The following NXPE2 variants were observed in gnomAD, a reference collection of about 807,000 sequenced individuals.
NXPE2 encodes neurexophilin and PC-esterase domain family member 2.
In NXPE2, 34 loss-of-function variants were observed where a neutral mutation model predicts 34.4. The ratio of observed to expected loss-of-function variants is 0.99; its 90% CI spans 0.75 to 1.31. NXPE2 has a LOEUF of 1.31. NXPE2 is among the 40% of genes most tolerant of loss of function. NXPE2 has a pLI of 0.00. For synonymous variants in NXPE2, 235 were observed against 231.3 expected, an observed-to-expected ratio of 1.02 and a Z score of -0.15; for missense variants, 649 against 672.5, an observed-to-expected ratio of 0.97 and a Z score of 0.39.
chr11:114,522,721 T>G, the NXPE2 span, among the ~76,000 whole-genome samples: 10 of 152,236 alleles, frequency 6.6e-5, no homozygotes, highest in African/African-American at 2.4e-4. Context: ...ACATTTCTTA[T>G]GAAAGAAGGA....
chr11:114,733,427 T>G, the NXPE2 span, among the ~76,000 whole-genome samples: 16,063 of 152,240 alleles, frequency 0.11, 955 homozygotes, highest in Middle Eastern at 0.16. Context: ...GCATTCATTT[T>G]TATGTAAGAC....
the NXPE2 span, among the ~76,000 whole-genome samples, chr11:114,758,365 T>A: frequency 6.6e-6 from 1 of 152,238 alleles, no homozygotes; most frequent in Non-Finnish European, 1.5e-5. Context: ...CAGCTTCTCT[T>A]CAAATGTTCA....
At chr11:114,590,795 T>C in the NXPE2 span, among the ~76,000 whole-genome samples, 1 of 152,208 alleles carries the variant, frequency 6.6e-6, no homozygotes. Flanking sequence ...CTGGAGGTCA[T>C]CAAATTAACC....
the NXPE2 span, among the ~76,000 whole-genome samples, chr11:114,646,803 G>T: frequency 6.6e-6 from 1 of 151,928 alleles, no homozygotes; most frequent in Non-Finnish European, 1.5e-5. Flanking sequence ...TACACTTTAG[G>T]CTTAAGACTA....
the NXPE2 span, among the ~76,000 whole-genome samples, chr11:114,577,004 TAAAGTTATATATATATATATATAC>T: frequency 3.2e-5 from 1 of 30,800 alleles, no homozygotes; most frequent in East Asian, 1.1e-3. Context: ...TATATATATA[TAAAGTTATATATATATATATATAC>T]ATATATATAT....
chr11:114,526,354 T>TA, the NXPE2 span, among the ~76,000 whole-genome samples: 1 of 152,232 alleles, frequency 6.6e-6, no homozygotes, highest in Admixed American at 6.5e-5. Flanking sequence ...CTGACATTCT[T>TA]TTAAATATAA....
At chr11:114,632,726 A>T in the NXPE2 span, among the ~76,000 whole-genome samples, 1 of 59,084 alleles carries the variant, frequency 1.7e-5, no homozygotes, top group South Asian at 6.2e-4. Flanking sequence ...TATATATAAT[A>T]TATAATATAT....
chr11:114,701,959 T>C (rs1344635160), intron 3 of NXPE2, among the ~76,000 whole-genome samples: 2 of 152,220 alleles, frequency 1.3e-5, no homozygotes, highest in Non-Finnish European at 2.9e-5. Flanking sequence ...GTGGGGGTCC[T>C]GGAACCAATC....
chr11:114,475,642 C>T, the NXPE2 span, among the ~76,000 whole-genome samples: 1 of 152,148 alleles, frequency 6.6e-6, no homozygotes, highest in Non-Finnish European at 1.5e-5. Flanking sequence ...CATGATGTCC[C>T]TCAGGCTGCA....
the NXPE2 span, among the ~76,000 whole-genome samples, chr11:114,622,431 C>T: frequency 6.6e-6 from 1 of 151,684 alleles, no homozygotes. Context: ...ATAAGTGTTG[C>T]CTTCTGCGTA....
the NXPE2 span, among the ~76,000 whole-genome samples, chr11:114,781,821 G>T: frequency 4.6e-5 from 7 of 152,128 alleles, no homozygotes; most frequent in African/African-American, 1.7e-4. Flanking sequence ...TTCCCATGGG[G>T]TACAGCTATG....
chr11:114,530,085 A>AGTCATG, the NXPE2 span: 11 of 1,335,446 alleles, frequency 8.2e-6, no homozygotes, highest in South Asian at 1.3e-4. Flanking sequence ...GAGGCCTCTG[A>AGTCATG]GTCATGCTCA....
chr11:114,807,819 A>C, the NXPE2 span, among the ~76,000 whole-genome samples: 12 of 152,144 alleles, frequency 7.9e-5, no homozygotes, highest in Admixed American at 2.0e-4. Context: ...CCAGGAATTG[A>C]ACTCAGCTCT....
chr11:114,734,415 T>G, the NXPE2 span, among the ~76,000 whole-genome samples: 1 of 152,302 alleles, frequency 6.6e-6, no homozygotes, highest in African/African-American at 2.4e-5. Flanking sequence ...ATTCTTATTT[T>G]CTCTACAGTG....
chr11:114,655,944 A>T, the NXPE2 span, among the ~76,000 whole-genome samples: 1 of 152,300 alleles, frequency 6.6e-6, no homozygotes, highest in East Asian at 1.9e-4. Flanking sequence ...CAGGCAAGAG[A>T]AAGAAATAAA....
chr11:114,520,957 A>T, the NXPE2 span, among the ~76,000 whole-genome samples: 4 of 152,340 alleles, frequency 2.6e-5, no homozygotes, highest in South Asian at 8.3e-4. Context: ...TGGATTCAGA[A>T]GTGACAGCCT....
the NXPE2 span, chr11:114,528,711 A>G: frequency 1.9e-6 from 1 of 523,030 alleles, no homozygotes; most frequent in Non-Finnish European, 3.6e-6. Context: ...ACCTCTGTAT[A>G]TGGCCATGAA....
the NXPE2 span, among the ~76,000 whole-genome samples, chr11:114,729,455 T>A: frequency 1.3e-5 from 2 of 152,172 alleles, no homozygotes; most frequent in Non-Finnish European, 2.9e-5. Context: ...CAAATGGTAG[T>A]TCTGTTTTAA....
At chr11:114,674,178 A>T (rs1173766547), upstream of NXPE2, among the ~76,000 whole-genome samples, 3 of 151,860 alleles carry the variant, frequency 2.0e-5, no homozygotes, top group Non-Finnish European at 4.4e-5. Flanking sequence ...TCTTTTATTT[A>T]AAAAATTCAT....
Sources: gnomAD v4.1 joint callset for allele counts (sites outside exome capture counted in the v4.1 genomes callset) on GRCh38, gnomAD v4.1.1 for gene constraint, MANE v1.5 for transcripts, NCBI Gene and HGNC (gene_info 2026-07-23, HGNC 2026-07-21) for gene names.